Variants in SEMA4B observed in about 807,000 individuals in gnomAD.
The protein encoded by SEMA4B is semaphorin-4B.
A neutral mutation model predicts 88.1 loss-of-function variants in SEMA4B; 55 were observed. The ratio of observed to expected loss-of-function variants is 0.62; its 90% CI spans 0.50 to 0.78. The LOEUF is 0.78. Among genes scored for constraint, SEMA4B ranks in the 30% least tolerant of loss-of-function variants. The probability of loss-of-function intolerance (pLI) is 0.00; values close to 1 mark genes in which losing one functional copy is unlikely to be tolerated. For synonymous variants in SEMA4B, 525 were observed against 473.6 expected, an observed-to-expected ratio of 1.11 and a Z score of -1.41; for missense variants, 1,062 against 1,111.9, an observed-to-expected ratio of 0.96 and a Z score of 0.64.
chr15:90,229,393 G>C lies in SEMA4B; in HGVS notation c.*750G>C, dbSNP rs1376422615. The C allele has an allele frequency of 1.8e-5, 8 of 456,562 alleles. No homozygotes were observed. The highest frequency in any genetic ancestry group is 3.5e-5 in the Non-Finnish European group (8 of 226,998). 28.3% of individuals were successfully genotyped at this position (456,562 alleles called of 1,614,324 possible). ...GAATTCAGGGAAGAGACTGTCGCCT[G>C]CCTTCCTCCGTTGTTGCGTGAGAAC... On this transcript the variant is annotated 3_prime_UTR_variant, in exon 14 of 14. Coordinates refer to ENST00000411539, the MANE Select transcript of SEMA4B (RefSeq NM_198925.4).
At chr15:90,208,988 A>G (rs1443396570) in intron 1 of SEMA4B, among the ~76,000 whole-genome samples, 7 of 151,794 alleles carry the variant, frequency 4.6e-5, no homozygotes, top group Admixed American at 3.3e-4. Context: ...TTATACTTCT[A>G]TGTGTTCAGT....
chr15:90,223,741 G>T lies in SEMA4B; in HGVS notation c.1043+1G>T. On this transcript the variant is annotated splice_donor_variant, in intron 8 of 13. Coordinates refer to ENST00000411539, the MANE Select transcript of SEMA4B (RefSeq NM_198925.4). LOFTEE classifies it high-confidence loss of function. ...TCTATGGGGTCTTCACTTCCCAGTG[G>T]TAGGGCCTCCAGACCTCGCTGGAGA... The T allele has an allele frequency of 6.2e-7, 1 of 1,605,110 alleles. No homozygotes were observed. The highest frequency in any genetic ancestry group is 8.5e-7 in the Non-Finnish European group (1 of 1,173,120).
At chr15:90,188,278 C>A (rs528006174) in intron 1 of SEMA4B, among the ~76,000 whole-genome samples, 14 of 152,074 alleles carry the variant, frequency 9.2e-5, no homozygotes, top group African/African-American at 3.4e-4. Context: ...CATCAATCAT[C>A]CTGCCACTGC....
Position 90,229,575 on chromosome 15 carries a change from C to A in SEMA4B, c.*932C>A. ...ATATCAACACTGCCCAGCACAGGGG[C>A]CCTGAATTTATGTGGTTTTTATACA... is the stretch of plus-strand genomic sequence containing the variant. On this transcript the variant is annotated 3_prime_UTR_variant, in exon 14 of 14. Coordinates refer to ENST00000411539, the MANE Select transcript of SEMA4B (RefSeq NM_198925.4). 2 of 336,232 alleles carry A rather than the reference C, an allele frequency of 5.9e-6. No individual in the cohort carries two copies. Among genetic ancestry groups the A allele is most frequent in the South Asian group, 2.2e-5 (1 of 45,594 alleles). 20.8% of individuals were successfully genotyped at this position (336,232 alleles called of 1,614,324 possible). A position where few individuals can be genotyped will look rare whatever the true frequency, so the allele number is the denominator to read the frequency against.
chr15:90,215,857 ATATTTT>A (rs1961509504), intron 1 of SEMA4B, among the ~76,000 whole-genome samples: 1 of 152,134 alleles, frequency 6.6e-6, no homozygotes, highest in African/African-American at 2.4e-5. Flanking sequence ...ACGTATATAT[ATATTTT>A]TAAGTATAGA....
At position 90,201,629 on chromosome 15, in the gene SEMA4B, C is replaced by T. The variant is rs1402504647; in HGVS notation, c.51C>T (p.Gly17=). The change falls in exon 1 of 14, where the codon GGC becomes GGT. Residue 17 remains glycine (G), a synonymous_variant. Coordinates refer to ENST00000411539, the MANE Select transcript of SEMA4B (RefSeq NM_198925.4). The part of the protein sequence containing the change: ...GLRSWLAAPW[G]ALPPRPPLLL... ...GGAGCTGGCTCGCCGCCCCATGGGG[C>T]GCGCTGCCGCCTCGGCCACCGCTGC... 1 of 1,517,160 alleles carries T rather than the reference C, an allele frequency of 6.6e-7. No homozygotes were observed. Among genetic ancestry groups the T allele is most frequent in the South Asian group, 1.2e-5 (1 of 82,406 alleles). 94.0% of individuals were successfully genotyped at this position (1,517,160 alleles called of 1,614,324 possible).
At chr15:90,202,197 T>TCCTCCCTCTCCGCC (rs1447895891) in intron 1 of SEMA4B, among the ~76,000 whole-genome samples, 1 of 152,218 alleles carries the variant, frequency 6.6e-6, no homozygotes, top group Non-Finnish European at 1.5e-5. Flanking sequence ...AGGCGCCCGA[T>TCCTCCCTCTCCGCC]CCTCCCTCTC....
chr15:90,222,946 A>C (rs1961936938), intron 7 of SEMA4B, among the ~76,000 whole-genome samples: 1 of 118,954 alleles, frequency 8.4e-6, no homozygotes, highest in Non-Finnish European at 1.8e-5. Context: ...GCATATGTGT[A>C]ACTCTGTGTA....
In SEMA4B at chr15:90,201,354, C is replaced by G. The variant is rs545182720; in HGVS notation, c.-225C>G. ...CGCTTGCGGGTGAGCTCTGCCCAAG[C>G]CGAGGCTGCGGGGCCGGCGCCGGCG... is the stretch of plus-strand genomic sequence containing the variant. On this transcript the variant is annotated 5_prime_UTR_variant, in exon 1 of 14. Coordinates refer to ENST00000411539, the MANE Select transcript of SEMA4B (RefSeq NM_198925.4). The G allele has an allele frequency of 1.5e-3, 1,903 of 1,244,284 alleles. 1 individual carries two copies. The highest frequency in any genetic ancestry group is 1.6e-3 in the Non-Finnish European group (1,629 of 993,894). The allele number at this position is 1,244,284 out of a possible 1,614,324, so 77.1% of individuals were successfully genotyped here.
rs369425943 is a variant in SEMA4B, at chr15:90,228,571, C to T, written c.2442C>T (p.Phe814=). 29 of 1,613,524 alleles carry T rather than the reference C, an allele frequency of 1.8e-5. No individual in the cohort carries two copies. The highest frequency in any genetic ancestry group is 5.5e-5 in the South Asian group (5 of 91,086). ...EKRPLSIQDS[F]VEVSPVCPRP... ...GGCCACTCAGCATCCAAGACAGCTT[C>T]GTGGAGGTATCCCCAGTGTGCCCCC... is the stretch of plus-strand genomic sequence containing the variant. Residue 814 remains phenylalanine (F), a synonymous_variant, in exon 14 of 14, where the codon TTC becomes TTT. Transcript: ENST00000411539.
intron 1 of SEMA4B, chr15:90,214,959 C>G (rs1275971558): frequency 1.6e-6 from 2 of 1,278,834 alleles, no homozygotes; most frequent in Non-Finnish European, 2.0e-6. Flanking sequence ...TAAAAACACT[C>G]CACAGGTAAA....
At chr15:90,214,815 T>C (rs1961453899) in intron 1 of SEMA4B, 9 of 331,178 alleles carry the variant, frequency 2.7e-5, no homozygotes, top group South Asian at 2.2e-4. Flanking sequence ...TACTCGTGAA[T>C]TTTTACTTCC....
chr15:90,229,200 C>A lies in SEMA4B; in HGVS notation c.*557C>A. ...CCGAGGATGTAGTTGTTGCTGCCGTCGTCCCACCACCTCAGGGACCAGAGG... is the reference window on the plus strand; with the variant it reads ...CCGAGGATGTAGTTGTTGCTGCCGTAGTCCCACCACCTCAGGGACCAGAGG... On this transcript the variant is annotated 3_prime_UTR_variant, in exon 14 of 14. Coordinates refer to ENST00000411539, the MANE Select transcript of SEMA4B (RefSeq NM_198925.4). 1 of 410,680 alleles carries A rather than the reference C, an allele frequency of 2.4e-6. No homozygotes were observed. Among genetic ancestry groups the A allele is most frequent in the South Asian group, 1.7e-5 (1 of 58,838 alleles). The allele number at this position is 410,680 out of a possible 1,614,324, so 25.4% of individuals were successfully genotyped here.
chr15:90,228,753 C>G lies in SEMA4B; in HGVS notation c.*110C>G. 1 of 1,459,092 alleles carries G rather than the reference C, an allele frequency of 6.9e-7. No homozygotes were observed. The highest frequency in any genetic ancestry group is 9.3e-7 in the Non-Finnish European group (1 of 1,080,588). The allele number at this position is 1,459,092 out of a possible 1,614,324, so 90.4% of individuals were successfully genotyped here. A position where few individuals can be genotyped will look rare whatever the true frequency, so the allele number is the denominator to read the frequency against. ...TCTTCGTGGAACACGACCGTGGTGC[C>G]CGGCCCTTGGGAGCCTTGGGGCCAG... On this transcript the variant is annotated 3_prime_UTR_variant, in exon 14 of 14. Coordinates refer to ENST00000411539, the MANE Select transcript of SEMA4B (RefSeq NM_198925.4).
In SEMA4B at chr15:90,201,351, A is replaced by G; in HGVS notation, c.-228A>G. On this transcript the variant is annotated 5_prime_UTR_variant, in exon 1 of 14. Transcript: ENST00000411539. ...CGCCGCTTGCGGGTGAGCTCTGCCC[A>G]AGCCGAGGCTGCGGGGCCGGCGCCG... The G allele has an allele frequency of 8.1e-7, 1 of 1,229,990 alleles. No homozygotes were observed. The highest frequency in any genetic ancestry group is 1.0e-6 in the Non-Finnish European group (1 of 985,082). The allele number at this position is 1,229,990 out of a possible 1,614,324, so 76.2% of individuals were successfully genotyped here.
intron 1 of SEMA4B, among the ~76,000 whole-genome samples, chr15:90,203,862 A>G (rs1407707079): frequency 6.6e-6 from 1 of 152,186 alleles, no homozygotes; most frequent in Non-Finnish European, 1.5e-5. Context: ...CAGTCCCACC[A>G]AAGCCCTGGA....
Position 90,228,345 on chromosome 15 carries a change from G to T in SEMA4B, c.2216G>T (p.Arg739Leu). 1 of 1,601,276 alleles carries T rather than the reference G, an allele frequency of 6.2e-7. No homozygotes were observed. Among genetic ancestry groups the T allele is most frequent in the Non-Finnish European group, 8.5e-7 (1 of 1,173,316 alleles). Residue 739 changes from arginine to leucine, a missense_variant, in exon 14 of 14, where the codon CGG becomes CTG. Arg to Leu is a moderately radical substitution (Grantham distance 102). Coordinates refer to ENST00000411539, the MANE Select transcript of SEMA4B (RefSeq NM_198925.4). The stretch of plus-strand genomic sequence containing the variant: ...CTCCCAGTTTTATTCTTGCTCTACC[G>T]GCACCGGAACAGCATGAAAGTCTTC... The part of the protein sequence containing the change: ...VLLPVLFLLY[R>L]HRNSMKVFLK...
intron 1 of SEMA4B, among the ~76,000 whole-genome samples, chr15:90,203,076 G>T (rs1439965842): frequency 6.6e-6 from 1 of 152,194 alleles, no homozygotes; most frequent in Non-Finnish European, 1.5e-5. Flanking sequence ...CCTACCTCAA[G>T]GTAGTGAGGA....
Position 90,221,444 on chromosome 15 carries a change from C to T in SEMA4B, c.673C>T (p.Pro225Ser), listed in dbSNP as rs943032641. 1.3e-5 allele frequency: 21 copies of T among 1,588,798 alleles called. No individual in the cohort carries two copies. In the African/African-American group the frequency reaches 1.6e-4, roughly 12 times the overall value. Residue 225 changes from proline to serine, a missense_variant, in exon 6 of 14, where the codon CCC becomes TCC. Transcript: ENST00000411539. ...CATCTCGCGGAGCCAAAGCCTTCGC[C>T]CCACCAAGACCGAGAGCTCCCTCAA... is the stretch of plus-strand genomic sequence containing the variant. Reference protein sequence around the residue: ...PAISRSQSLRPTKTESSLNWL... With the variant: ...PAISRSQSLRSTKTESSLNWL...
Sources: gnomAD v4.1 joint callset for allele counts (sites outside exome capture counted in the v4.1 genomes callset) on GRCh38, gnomAD v4.1.1 for gene constraint, MANE v1.5 for transcripts, NCBI Gene and HGNC (gene_info 2026-07-23, HGNC 2026-07-21) for gene names.